MVP: variants seen among roughly 807,000 people sequenced by gnomAD.
MVP encodes major vault protein.
In MVP, 62 loss-of-function variants were observed where a neutral mutation model predicts 83.5. The ratio of observed to expected loss-of-function variants is 0.74; its 90% CI spans 0.61 to 0.92. The LOEUF is 0.92. Ranked by LOEUF, MVP falls within the 40% of genes least tolerant of loss-of-function variation. MVP has a pLI of 0.00. For synonymous variants in MVP, 505 were observed against 504.1 expected (o/e 1.00, Z -0.02); for missense variants, 1,000 against 1,203.4 (o/e 0.83, Z 2.50).
chr16:29,833,805 A>G lies in MVP; in HGVS notation c.394A>G (p.Lys132Glu). The change falls in exon 4 of 15, where the codon AAA becomes GAA. Residue 132 changes from lysine (K) to glutamate (E), a missense_variant. Transcript: ENST00000357402. ...HLKALLDFED[K>E]DGDKVVAGDE... is the part of the protein sequence containing the mutation. ...AAAGGCGCTGCTTGATTTTGAGGAT[A>G]AAGATGGAGACAAGGTGGTGGCAGG... The G allele has an allele frequency of 6.2e-7, 1 of 1,614,070 alleles. No individual in the cohort carries two copies. Among genetic ancestry groups the G allele is most frequent in the Non-Finnish European group, 8.5e-7 (1 of 1,180,010 alleles).
rs201522490 is a variant in MVP at position 29,845,910 on chromosome 16, G to A, written c.2069G>A (p.Arg690Gln). 2.7e-5 allele frequency: 43 copies of A among 1,614,054 alleles called. No individual in the cohort carries two copies. The highest frequency in any genetic ancestry group is 2.2e-4 in the Admixed American group (13 of 60,000). ...CAGGAAGCCCGCGGCCGGCTTGAGC[G>A]GCAGAAGATCCTGGACCAGTCAGAA... ...LEQEARGRLERQKILDQSEAE... is the reference protein window; with the variant it reads ...LEQEARGRLEQQKILDQSEAE... Residue 690 changes from arginine to glutamine, a missense_variant, in exon 12 of 15, where the codon CGG (arginine) becomes CAG (glutamine). Arg to Gln is a conservative substitution (Grantham distance 43, BLOSUM62 1). Coordinates refer to ENST00000357402, the MANE Select transcript of MVP (RefSeq NM_005115.5).
intron 13 of MVP, 85 bp from the exon 14 acceptor site, chr16:29,847,112 C>A: frequency 1.4e-6 from 2 of 1,431,652 alleles, no homozygotes; most frequent in African/African-American, 1.4e-5. Flanking sequence ...ATCCTTTGAG[C>A]CAGGAGTTCA....
Position 29,834,083 on chromosome 16 carries a change from G to C in MVP, c.577+17G>C. On this transcript the variant is annotated intron_variant, in intron 5 of 14. Coordinates refer to ENST00000357402, the MANE Select transcript of MVP (RefSeq NM_005115.5). ...GGGTGACAGGTGGGGTCACCAAGGG[G>C]CGATGATGGTGGGTGGGCAGGAGGG... 2 of 1,611,600 alleles carry C rather than the reference G, an allele frequency of 1.2e-6. No individual in the cohort carries two copies. The highest frequency in any genetic ancestry group is 4.5e-5 in the East Asian group (2 of 44,800).
At chr16:29,830,766 A>G (rs2067435266) in intron 2 of MVP, 92 bp downstream of exon 2, 1 of 1,578,790 alleles carries the variant, frequency 6.3e-7, no homozygotes, top group African/African-American at 1.3e-5. Flanking sequence ...CCTCTTCCCA[A>G]GCAGGAGTGG....
chr16:29,846,916 G>T (rs2067590255), intron 13 of MVP, among the ~76,000 whole-genome samples: 1 of 152,074 alleles, frequency 6.6e-6, no homozygotes, highest in South Asian at 2.1e-4. Flanking sequence ...GGTGCCTCAG[G>T]TCTCTAACCC....
chr16:29,846,021 G>T lies in MVP; in HGVS notation c.2138+42G>T, dbSNP rs755283316. The T allele has an allele frequency of 2.4e-5, 39 of 1,612,908 alleles. No individual in the cohort carries two copies. The South Asian group carries it at 4.0e-4, about 16-fold the overall frequency. Reference sequence around the variant, plus strand: ...AGGAGGAGACTGGCAGGGGCCGAGGGTCTTAGGACAGCAGCTGGTGTGGGC... The same window carrying T: ...AGGAGGAGACTGGCAGGGGCCGAGGTTCTTAGGACAGCAGCTGGTGTGGGC... On this transcript the variant is annotated intron_variant, in intron 12 of 14. Coordinates refer to ENST00000357402, the MANE Select transcript of MVP (RefSeq NM_005115.5).
chr16:29,832,579 G>A (rs1029975811), intron 3 of MVP, among the ~76,000 whole-genome samples: 9 of 146,982 alleles, frequency 6.1e-5, no homozygotes, highest in Non-Finnish European at 1.0e-4. Flanking sequence ...TTACAGGCGT[G>A]AGCCACCGCG....
At chr16:29,848,039 TTTCTC>T, downstream of MVP, 2 of 1,567,462 alleles carry the variant, frequency 1.3e-6, no homozygotes, top group Non-Finnish European at 8.7e-7. Context: ...TTTCAACACT[TTTCTC>T]TTGTCTGACA....
chr16:29,835,875 TG>T, intron 6 of MVP, 77 bp downstream of exon 6: 1 of 1,195,080 alleles, frequency 8.4e-7, no homozygotes, highest in Non-Finnish European at 1.2e-6. Flanking sequence ...GGTGGTAGAA[TG>T]GCATGAGAGT....
intron 10 of MVP, among the ~76,000 whole-genome samples, chr16:29,843,415 A>C (rs1027579285): frequency 1.7e-4 from 25 of 150,366 alleles, no homozygotes; most frequent in Admixed American, 6.7e-4. Flanking sequence ...AAATTGCCTG[A>C]GCCCAGGAAT....
chr16:29,843,402 G>A (rs537046924), intron 10 of MVP, among the ~76,000 whole-genome samples: 7 of 150,874 alleles, frequency 4.6e-5, no homozygotes, highest in South Asian at 2.1e-4. Flanking sequence ...GGCTGAGGTG[G>A]GAAAATTGCC....
chr16:29,825,134 C>G (rs1360044407), intron 1 of MVP, among the ~76,000 whole-genome samples: 2 of 152,144 alleles, frequency 1.3e-5, no homozygotes, highest in African/African-American at 4.8e-5. Context: ...GTGGGAGAGA[C>G]CCTGGTGGGA....
intron 10 of MVP, among the ~76,000 whole-genome samples, chr16:29,843,642 T>C (rs2067556788): frequency 7.0e-6 from 1 of 143,020 alleles, no homozygotes; most frequent in Non-Finnish European, 1.5e-5. Context: ...ATCACAGCAC[T>C]TTGGGAGACT....
At chr16:29,823,796 C>T (rs1468449567) in intron 1 of MVP, among the ~76,000 whole-genome samples, 1 of 149,348 alleles carries the variant, frequency 6.7e-6, no homozygotes, top group African/African-American at 2.5e-5. Flanking sequence ...GATCCGAGAT[C>T]GTGCCACTGC....
At chr16:29,843,422 GA>G (rs1424452364) in intron 10 of MVP, among the ~76,000 whole-genome samples, 1 of 150,116 alleles carries the variant, frequency 6.7e-6, no homozygotes, top group Non-Finnish European at 1.5e-5. Flanking sequence ...CTGAGCCCAG[GA>G]ATTTGAGGCT....
At chr16:29,822,087 G>GT (rs201002535) in intron 1 of MVP, among the ~76,000 whole-genome samples, 16,075 of 138,398 alleles carry the variant, frequency 0.12, 1,058 homozygotes, top group Non-Finnish European at 0.16. Context: ...TTGGGGTTTT[G>GT]TTTTTTTTTT....
chr16:29,846,419 G>A, intron 13 of MVP, 135 bp downstream of exon 13: 1 of 1,318,424 alleles, frequency 7.6e-7, no homozygotes, highest in Non-Finnish European at 1.0e-6. Context: ...CATTTGCAAA[G>A]TCCTTTGCCT....
In MVP at chr16:29,846,756, G is replaced by A. The variant is rs375080153; in HGVS notation, c.2266-441G>A. ...TGTCTGTAACCCCAACTACTTGGTA[G>A]GCTGAGGCAGGAGAATTGCTTGAAC... On this transcript the variant is annotated intron_variant, in intron 13 of 14. Coordinates refer to ENST00000357402, the MANE Select transcript of MVP (RefSeq NM_005115.5). 2.8e-4 allele frequency among the ~76,000 whole-genome samples: 43 copies of A among 152,318 alleles called. No individual in the cohort carries two copies. In the East Asian group the frequency reaches 7.5e-3, roughly 27 times the overall value.
rs892785862 is a variant in MVP at position 29,847,045 on chromosome 16, C to T, written c.2266-152C>T. Reference sequence around the variant, plus strand: ...TACAAAAACAAAATTTTTTAATTGACTGGGTGTGGTGGCACATGCCTGTAG... The same window carrying T: ...TACAAAAACAAAATTTTTTAATTGATTGGGTGTGGTGGCACATGCCTGTAG... On this transcript the variant is annotated intron_variant, in intron 13 of 14. Transcript: ENST00000357402. 11 of 802,206 alleles carry T rather than the reference C, an allele frequency of 1.4e-5. No homozygotes were observed. In the African/African-American group the frequency reaches 1.6e-4, roughly 11 times the overall value. 49.7% of individuals were successfully genotyped at this position (802,206 alleles called of 1,614,324 possible). A position where few individuals can be genotyped will look rare whatever the true frequency, so the allele number is the denominator to read the frequency against.
Sources: allele counts gnomAD v4.1 joint callset (sites outside exome capture counted in the v4.1 genomes callset), GRCh38; gene constraint gnomAD v4.1.1; transcripts MANE v1.5; gene names NCBI Gene and HGNC (gene_info 2026-07-23, HGNC 2026-07-21).